EXOC4: variants seen among roughly 807,000 people sequenced by gnomAD.
EXOC4 encodes exocyst complex component 4.
Under a neutral mutation model 107.2 loss-of-function variants are expected in EXOC4, and 71 were observed. The observed-to-expected ratio is 0.66, with a 90% confidence interval of 0.55 to 0.81. The LOEUF (loss-of-function observed/expected upper bound fraction) is 0.81. EXOC4 is among the 30% of genes least tolerant of loss of function. The probability of loss-of-function intolerance (pLI) is 0.00; values close to 1 mark genes in which losing one functional copy is unlikely to be tolerated. For synonymous variants in EXOC4, 456 were observed against 441.2 expected (o/e 1.03, Z -0.42); for missense variants, 1,108 against 1,189.6 (o/e 0.93, Z 1.01).
At chr7:133,563,008 G>A (rs74319290) in intron 9 of EXOC4, among the ~76,000 whole-genome samples, 2 of 152,122 alleles carry the variant, frequency 1.3e-5, no homozygotes, top group African/African-American at 2.4e-5. Context: ...ATCATTTTGG[G>A]CATTTCAGTG....
chr7:133,978,571 T>C (rs1428103784), intron 14 of EXOC4, among the ~76,000 whole-genome samples: 1 of 152,212 alleles, frequency 6.6e-6, no homozygotes, highest in African/African-American at 2.4e-5. Flanking sequence ...GAATTTAATG[T>C]AGGGAATACG....
intron 9 of EXOC4, among the ~76,000 whole-genome samples, chr7:133,627,439 G>A (rs138013061): frequency 5.9e-5 from 9 of 152,162 alleles, no homozygotes; most frequent in Non-Finnish European, 8.8e-5. Context: ...AGTCTATCTC[G>A]TAAAGGTTAT....
intron 7 of EXOC4, among the ~76,000 whole-genome samples, chr7:133,430,074 G>A (rs998658247): frequency 7.2e-5 from 11 of 152,192 alleles, no homozygotes; most frequent in Non-Finnish European, 1.5e-5. Context: ...TAGCATCCAG[G>A]AAGAATCAGG....
intron 10 of EXOC4, among the ~76,000 whole-genome samples, chr7:133,760,302 G>A (rs1341268017): frequency 1.3e-5 from 2 of 152,170 alleles, no homozygotes; most frequent in Admixed American, 1.3e-4. Flanking sequence ...GGAATATAAT[G>A]TGTAATGCTT....
chr7:133,344,860 AGGCCTTCTGGC>A lies in EXOC4; in HGVS notation c.764-11469_764-11459del, dbSNP rs558547093. ...TCACATTCTACCTTTGTTTGCAATAAGGCCTTCTGGCAGATCAGGGACAGAGGAGGAGCATG... is the reference window on the plus strand; with the variant it reads ...TCACATTCTACCTTTGTTTGCAATAAAGATCAGGGACAGAGGAGGAGCATG... On this transcript the variant is annotated intron_variant, in intron 5 of 17. Transcript: ENST00000253861. 2.0e-3 allele frequency among the ~76,000 whole-genome samples: 311 copies of A among 152,296 alleles called. 1 individual carries two copies. The highest frequency in any genetic ancestry group is 3.0e-3 in the Non-Finnish European group (204 of 68,018).
At chr7:133,989,691 A>G (rs997207833) in intron 14 of EXOC4, among the ~76,000 whole-genome samples, 1 of 152,206 alleles carries the variant, frequency 6.6e-6, no homozygotes. Flanking sequence ...ATTGATGGCT[A>G]TTACCAGAAA....
At chr7:133,917,771 A>C (rs140928077) in intron 13 of EXOC4, 33 bp downstream of exon 13, 1 of 1,596,636 alleles carries the variant, frequency 6.3e-7, no homozygotes, top group South Asian at 1.1e-5. Flanking sequence ...TGTCCTAAAC[A>C]TAGGGAGGAA....
intron 10 of EXOC4, among the ~76,000 whole-genome samples, chr7:133,658,787 T>G (rs1157031278): frequency 6.6e-6 from 1 of 152,124 alleles, no homozygotes; most frequent in African/African-American, 2.4e-5. Context: ...ACTGTTGCAA[T>G]AAGGAGTAAA....
chr7:133,808,904 A>T (rs1209478291), intron 10 of EXOC4, among the ~76,000 whole-genome samples: 1 of 152,138 alleles, frequency 6.6e-6, no homozygotes, highest in Non-Finnish European at 1.5e-5. Flanking sequence ...GCTGTTTGCC[A>T]TCTTTGTACA....
At chr7:133,331,503 C>T (rs1385249312) in intron 5 of EXOC4, among the ~76,000 whole-genome samples, 21 of 141,026 alleles carry the variant, frequency 1.5e-4, no homozygotes, top group African/African-American at 4.8e-4. Context: ...GTCTCGCTGT[C>T]GCCCAGGCTG....
At chr7:133,408,850 G>T (rs1053481576) in intron 7 of EXOC4, among the ~76,000 whole-genome samples, 2 of 152,126 alleles carry the variant, frequency 1.3e-5, no homozygotes, top group Non-Finnish European at 2.9e-5. Flanking sequence ...GGTACTGTGG[G>T]ACTAGTATAA....
chr7:133,880,989 GACAA>G (rs777873140), intron 11 of EXOC4, among the ~76,000 whole-genome samples: 1 of 152,096 alleles, frequency 6.6e-6, no homozygotes. Context: ...TCTTTAGCCT[GACAA>G]ACAGAGCTTC....
At chr7:133,745,161 G>T (rs1795647390) in intron 10 of EXOC4, among the ~76,000 whole-genome samples, 1 of 151,470 alleles carries the variant, frequency 6.6e-6, no homozygotes, top group Admixed American at 6.6e-5. Context: ...TGCTTCCATT[G>T]TCACTCCATA....
At chr7:133,569,264 C>T (rs1047529002) in intron 9 of EXOC4, among the ~76,000 whole-genome samples, 12 of 151,986 alleles carry the variant, frequency 7.9e-5, no homozygotes, top group East Asian at 3.8e-4. Context: ...ATCATGTCCA[C>T]GAATGTATAA....
chr7:133,725,255 A>C (rs1433535966), intron 10 of EXOC4, among the ~76,000 whole-genome samples: 1 of 152,234 alleles, frequency 6.6e-6, no homozygotes, highest in Non-Finnish European at 1.5e-5. Flanking sequence ...GGAGAATAGT[A>C]TGTGGAAGCA....
At chr7:133,828,627 C>T (rs972362709) in intron 11 of EXOC4, among the ~76,000 whole-genome samples, 8 of 152,264 alleles carry the variant, frequency 5.3e-5, no homozygotes, top group African/African-American at 1.7e-4. Context: ...TTTCAAGGAT[C>T]CTGCCCTACT....
chr7:133,482,494 G>A (rs545757876), intron 9 of EXOC4, among the ~76,000 whole-genome samples: 156 of 152,310 alleles, frequency 1.0e-3, no homozygotes, highest in Non-Finnish European at 1.2e-3. Flanking sequence ...TGCAGCAGCC[G>A]TGGGAAGGCT....
At chr7:133,339,449 C>G (rs111554068) in intron 5 of EXOC4, among the ~76,000 whole-genome samples, 3,124 of 152,182 alleles carry the variant, frequency 0.021, 109 homozygotes, top group African/African-American at 0.071. Context: ...TGTAATGCCT[C>G]CAGATTTGTT....
intron 11 of EXOC4, among the ~76,000 whole-genome samples, chr7:133,862,163 T>C (rs986759106): frequency 1.3e-5 from 2 of 151,982 alleles, no homozygotes; most frequent in African/African-American, 2.4e-5. Context: ...TCTTTCTTTT[T>C]TTTTTTTTTT....
Sources: allele counts gnomAD v4.1 joint callset (sites outside exome capture counted in the v4.1 genomes callset), GRCh38; gene constraint gnomAD v4.1.1; transcripts MANE v1.5; gene names NCBI Gene and HGNC (gene_info 2026-07-23, HGNC 2026-07-21).